RNF38: variants seen among roughly 807,000 people sequenced by gnomAD.
RNF38 encodes the protein E3 ubiquitin-protein ligase RNF38.
Under a neutral mutation model 67.2 loss-of-function variants are expected in RNF38, and 15 were observed. The ratio of observed to expected loss-of-function variants is 0.22; its 90% confidence interval spans 0.15 to 0.34. The LOEUF is 0.34. Among genes scored for constraint, RNF38 ranks in the 10% least tolerant of loss-of-function variants. The pLI, the probability that RNF38 is intolerant of heterozygous loss-of-function variation, is 1.00. For synonymous variants in RNF38, 220 were observed against 218.8 expected (o/e 1.01, Z -0.05); for missense variants, 524 against 639.9 (o/e 0.82, Z 1.95).
chr9:36,468,117 C>T (rs976501910), intron 1 of RNF38, among the ~76,000 whole-genome samples: 1 of 151,908 alleles, frequency 6.6e-6, no homozygotes, highest in African/African-American at 2.4e-5. Flanking sequence ...TGGTGGCGCA[C>T]GCCTGTTGTC....
At chr9:36,456,059 A>C (rs1367077909) in intron 1 of RNF38, among the ~76,000 whole-genome samples, 2 of 152,076 alleles carry the variant, frequency 1.3e-5, no homozygotes, top group South Asian at 2.1e-4. Context: ...AATTTTCTTG[A>C]TAACAATCCA....
chr9:36,367,912 C>T (rs1015399037), intron 4 of RNF38, among the ~76,000 whole-genome samples: 7 of 152,180 alleles, frequency 4.6e-5, no homozygotes, highest in African/African-American at 1.7e-4. Context: ...AGTGCAATGG[C>T]ACGAGCTTGG....
chr9:36,367,368 TAC>T (rs1379560956), intron 4 of RNF38, among the ~76,000 whole-genome samples: 1 of 152,216 alleles, frequency 6.6e-6, no homozygotes, highest in Non-Finnish European at 1.5e-5. Flanking sequence ...CCTTCCTTTT[TAC>T]ACTTTAAGAC....
chr9:36,423,321 CACAAAG>C (rs1335608197), intron 2 of RNF38, among the ~76,000 whole-genome samples: 1 of 152,132 alleles, frequency 6.6e-6, no homozygotes, highest in African/African-American at 2.4e-5. Context: ...GAACAAAGCT[CACAAAG>C]ACAGAGACCA....
At chr9:36,426,880 T>C (rs1218055568) in intron 1 of RNF38, among the ~76,000 whole-genome samples, 1 of 152,244 alleles carries the variant, frequency 6.6e-6, no homozygotes, top group Non-Finnish European at 1.5e-5. Flanking sequence ...TATCTACTTA[T>C]ATGTAGGTAA....
intron 4 of RNF38, among the ~76,000 whole-genome samples, chr9:36,365,503 A>C (rs1238744861): frequency 6.6e-6 from 1 of 152,010 alleles, no homozygotes; most frequent in African/African-American, 2.4e-5. Flanking sequence ...GAAAGGTGGA[A>C]GCTGCAGTGA....
At chr9:36,412,709 G>A (rs913139090) in intron 2 of RNF38, among the ~76,000 whole-genome samples, 2 of 152,242 alleles carry the variant, frequency 1.3e-5, no homozygotes, top group African/African-American at 4.8e-5. Flanking sequence ...GGATGCCGAG[G>A]TGGATCACCT....
chr9:36,478,817 CAA>C (rs58286962), intron 1 of RNF38, among the ~76,000 whole-genome samples: 5,942 of 106,080 alleles, frequency 0.056, 367 homozygotes, highest in African/African-American at 0.18. Context: ...AACGCTGTCT[CAA>C]AAAAAAAAAA....
chr9:36,402,651 G>C (rs537164650), upstream of RNF38, among the ~76,000 whole-genome samples: 1 of 152,286 alleles, frequency 6.6e-6, no homozygotes, highest in African/African-American at 2.4e-5. Context: ...AACTGTAAGA[G>C]AGGCAGATTC....
intron 9 of RNF38, among the ~76,000 whole-genome samples, chr9:36,350,733 T>C (rs1185067470): frequency 6.6e-6 from 1 of 152,246 alleles, no homozygotes; most frequent in Non-Finnish European, 1.5e-5. Context: ...TATGTGGTAT[T>C]ACATATTCAA....
chr9:36,486,513 T>C (rs919931013), intron 1 of RNF38, among the ~76,000 whole-genome samples: 1 of 152,146 alleles, frequency 6.6e-6, no homozygotes, highest in African/African-American at 2.4e-5. Context: ...TGAACGAAAT[T>C]CGGGCCATTT....
At chr9:36,349,970 C>T (rs1587475864) in intron 9 of RNF38, among the ~76,000 whole-genome samples, 1 of 152,082 alleles carries the variant, frequency 6.6e-6, no homozygotes, top group Non-Finnish European at 1.5e-5. Context: ...AGGCACCCGC[C>T]ACCACGCCTC....
At chr9:36,477,697 C>A (rs888010403) in intron 1 of RNF38, among the ~76,000 whole-genome samples, 2 of 151,320 alleles carry the variant, frequency 1.3e-5, no homozygotes, top group African/African-American at 2.4e-5. Flanking sequence ...GTGGGGGGCG[C>A]CTGTAGTCCC....
At chr9:36,406,143 G>A (rs73648754), upstream of RNF38, among the ~76,000 whole-genome samples, 368 of 152,250 alleles carry the variant, frequency 2.4e-3, 1 homozygote, top group African/African-American at 8.5e-3. Flanking sequence ...GTATATCACT[G>A]ACACCGATGT....
intron 1 of RNF38, among the ~76,000 whole-genome samples, chr9:36,464,407 A>T (rs753763705): frequency 6.6e-6 from 1 of 151,834 alleles, no homozygotes; most frequent in Non-Finnish European, 1.5e-5. Context: ...TCACTACTAA[A>T]AATACAAAAA....
chr9:36,487,595 C>T (rs1202136021), upstream of RNF38: 3 of 980,072 alleles, frequency 3.1e-6, no homozygotes, highest in Admixed American at 1.3e-4. Context: ...GGCTGCGACT[C>T]GACTCCGGCG....
intron 4 of RNF38, among the ~76,000 whole-genome samples, chr9:36,358,485 AT>A (rs1834292163): frequency 6.6e-6 from 1 of 152,154 alleles, no homozygotes; most frequent in Non-Finnish European, 1.5e-5. Flanking sequence ...TGTCACATTT[AT>A]TTTTGTTTTC....
chr9:36,368,117 G>A (rs1241981227), intron 4 of RNF38, among the ~76,000 whole-genome samples: 3 of 152,188 alleles, frequency 2.0e-5, no homozygotes, highest in Non-Finnish European at 4.4e-5. Flanking sequence ...GACTCCCAAA[G>A]TGCTGGGATT....
intron 1 of RNF38, among the ~76,000 whole-genome samples, chr9:36,478,461 A>AT (rs201238999): frequency 0.02 from 3,005 of 147,236 alleles, 119 homozygotes; most frequent in African/African-American, 0.066. Context: ...AGATAAACTG[A>AT]TTTTTTTTCT....
Sources: allele counts gnomAD v4.1 joint callset (sites outside exome capture counted in the v4.1 genomes callset), GRCh38; gene constraint gnomAD v4.1.1; transcripts MANE v1.5; gene names NCBI Gene and HGNC (gene_info 2026-07-23, HGNC 2026-07-21).